Variants in KCTD16 observed in about 807,000 individuals in gnomAD.
KCTD16 encodes potassium channel tetramerization domain containing 16, also known as BTB/POZ domain-containing protein KCTD16.
In KCTD16, 13 loss-of-function variants were observed where a neutral mutation model predicts 33.2. The observed-to-expected ratio is 0.39, with a 90% CI of 0.25 to 0.62. The LOEUF is 0.62. Among genes scored for constraint, KCTD16 ranks in the 20% least tolerant of loss-of-function variants. The pLI, the probability that KCTD16 is intolerant of heterozygous loss-of-function variation, is 0.50. For synonymous variants in KCTD16, 197 were observed against 195.3 expected (o/e 1.01, Z -0.07); for missense variants, 441 against 525.1 (o/e 0.84, Z 1.57).
At chr5:144,446,872 A>T (rs1018424656) in intron 3 of KCTD16, among the ~76,000 whole-genome samples, 1 of 152,180 alleles carries the variant, frequency 6.6e-6, no homozygotes, top group Non-Finnish European at 1.5e-5. Context: ...ATCTCGTGCC[A>T]GTTAGAATGG....
chr5:144,277,883 T>A (rs1182423516), intron 3 of KCTD16, among the ~76,000 whole-genome samples: 1 of 152,236 alleles, frequency 6.6e-6, no homozygotes, highest in East Asian at 1.9e-4. Context: ...ATTGTTGCAT[T>A]TTTGTTAAGT....
At chr5:144,311,174 C>G (rs1242377753) in intron 3 of KCTD16, among the ~76,000 whole-genome samples, 1 of 152,128 alleles carries the variant, frequency 6.6e-6, no homozygotes, top group African/African-American at 2.4e-5. Context: ...AATTGTCCCA[C>G]TTATAAAGTG....
At chr5:144,321,871 T>C (rs1160033004) in intron 3 of KCTD16, among the ~76,000 whole-genome samples, 1 of 152,190 alleles carries the variant, frequency 6.6e-6, no homozygotes, top group Non-Finnish European at 1.5e-5. Flanking sequence ...TCCTTTATTC[T>C]GTTCTTAACT....
At chr5:144,344,599 A>T (rs1419875753) in intron 3 of KCTD16, among the ~76,000 whole-genome samples, 4 of 151,678 alleles carry the variant, frequency 2.6e-5, no homozygotes, top group African/African-American at 9.7e-5. Flanking sequence ...AAAACACATG[A>T]AAAAATGCTC....
chr5:144,259,004 A>G (rs1754927810), intron 3 of KCTD16, among the ~76,000 whole-genome samples: 1 of 152,164 alleles, frequency 6.6e-6, no homozygotes, highest in South Asian at 2.1e-4. Context: ...CACGCCTGTA[A>G]TACCAGCACT....
intron 2 of KCTD16, among the ~76,000 whole-genome samples, chr5:144,184,122 A>G (rs1356242842): frequency 6.6e-6 from 1 of 152,214 alleles, no homozygotes; most frequent in Non-Finnish European, 1.5e-5. Context: ...ACCATGTAAC[A>G]TAAAATTTGC....
chr5:144,171,284 T>C (rs894076106), intron 1 of KCTD16, among the ~76,000 whole-genome samples: 1 of 151,978 alleles, frequency 6.6e-6, no homozygotes, highest in Non-Finnish European at 1.5e-5. Context: ...AAAGCCACTA[T>C]AAGAGGGTTA....
rs763261967 is a variant in KCTD16 at position 144,473,784 on chromosome 5, T to C, written c.957T>C (p.Ser319=). The C allele has an allele frequency of 3.1e-5, 50 of 1,613,988 alleles. No individual in the cohort carries two copies. The highest frequency in any genetic ancestry group is 4.1e-5 in the Non-Finnish European group (48 of 1,180,002). ...CCACATCTAGCTGCGACAGCCAGTC[T>C]GAGGCCAGCTCTCCCCAGGAGACGG... ...DLSTSSCDSQ[S]EASSPQETVI... The change falls in exon 4 of 4, where the codon TCT becomes TCC. Residue 319 remains serine (S), a synonymous_variant. Transcript: ENST00000512467.
At chr5:144,393,493 G>T (rs551742742) in intron 3 of KCTD16, among the ~76,000 whole-genome samples, 3 of 152,050 alleles carry the variant, frequency 2.0e-5, no homozygotes, top group Non-Finnish European at 4.4e-5. Context: ...TAGGCAACAA[G>T]TATAATTTGG....
chr5:144,247,295 C>T (rs190420243), intron 3 of KCTD16, among the ~76,000 whole-genome samples: 53 of 152,294 alleles, frequency 3.5e-4, no homozygotes, highest in African/African-American at 1.2e-3. Flanking sequence ...TGAAACACTT[C>T]CTCTGGGGGC....
At chr5:144,186,600 A>G (rs1752732085) in intron 2 of KCTD16, among the ~76,000 whole-genome samples, 1 of 152,210 alleles carries the variant, frequency 6.6e-6, no homozygotes, top group African/African-American at 2.4e-5. Flanking sequence ...GGACTTTAAA[A>G]AACCAGTTTG....
At chr5:144,173,533 C>A (rs1752438596) in intron 1 of KCTD16, among the ~76,000 whole-genome samples, 1 of 152,038 alleles carries the variant, frequency 6.6e-6, no homozygotes, top group South Asian at 2.1e-4. Context: ...AGGCTTAATA[C>A]CTGGGTGATG....
chr5:144,308,177 T>A (rs909623646), intron 3 of KCTD16, among the ~76,000 whole-genome samples: 3 of 152,216 alleles, frequency 2.0e-5, no homozygotes, highest in Non-Finnish European at 4.4e-5. Flanking sequence ...GAAATTTTAA[T>A]TGCCTTTATC....
chr5:144,249,442 T>C (rs1257004280), intron 3 of KCTD16, among the ~76,000 whole-genome samples: 1 of 152,158 alleles, frequency 6.6e-6, no homozygotes, highest in African/African-American at 2.4e-5. Context: ...TCCCACAAAG[T>C]ATCTTATCTG....
chr5:144,220,916 G>T (rs943603633), intron 3 of KCTD16, among the ~76,000 whole-genome samples: 1 of 151,682 alleles, frequency 6.6e-6, no homozygotes, highest in African/African-American at 2.4e-5. Flanking sequence ...ACTCCAGCCT[G>T]GGCGACAGAG....
chr5:144,219,121 A>G (rs1332997485), intron 3 of KCTD16, among the ~76,000 whole-genome samples: 1 of 152,216 alleles, frequency 6.6e-6, no homozygotes, highest in Non-Finnish European at 1.5e-5. Context: ...CTCTCATGGC[A>G]GCGTTGTGAG....
chr5:144,409,656 G>C (rs983627268), intron 3 of KCTD16, among the ~76,000 whole-genome samples: 1 of 151,938 alleles, frequency 6.6e-6, no homozygotes, highest in African/African-American at 2.4e-5. Context: ...GTCAGGGTTC[G>C]AGACCAGCCT....
At chr5:144,290,099 G>C (rs1447871742) in intron 3 of KCTD16, among the ~76,000 whole-genome samples, 2 of 152,042 alleles carry the variant, frequency 1.3e-5, no homozygotes, top group Non-Finnish European at 2.9e-5. Flanking sequence ...TGGGCAACAT[G>C]GTGAAACCTT....
chr5:144,327,339 G>C (rs753632368), intron 3 of KCTD16, among the ~76,000 whole-genome samples: 5 of 151,784 alleles, frequency 3.3e-5, no homozygotes, highest in Non-Finnish European at 5.9e-5. Flanking sequence ...TTCTAGAATA[G>C]CTTTGTGCCT....
Sources: gnomAD v4.1 joint callset for allele counts (sites outside exome capture counted in the v4.1 genomes callset) on GRCh38, gnomAD v4.1.1 for gene constraint, MANE v1.5 for transcripts, NCBI Gene and HGNC (gene_info 2026-07-23, HGNC 2026-07-21) for gene names.